Variants in MAST4 observed in about 807,000 individuals in gnomAD.
MAST4 encodes microtubule associated serine/threonine kinase family member 4, also known as microtubule-associated serine/threonine-protein kinase 4.
MAST4 carries 89 observed loss-of-function variants against 162.7 expected under a neutral mutation model. The observed-to-expected ratio is 0.55, with a 90% confidence interval of 0.46 to 0.65. The LOEUF is 0.65. Among genes scored for constraint, MAST4 ranks in the 30% least tolerant of loss-of-function variants. The pLI is 0.00. For missense variants in MAST4, 3,153 were observed against 3,374.0 expected, an observed-to-expected ratio of 0.93 and a Z score of 1.62; for synonymous variants, 1,479 against 1,361.1, an observed-to-expected ratio of 1.09 and a Z score of -1.91.
chr5:66,641,923 C>T (rs1244759313), intron 1 of MAST4, among the ~76,000 whole-genome samples: 1 of 152,108 alleles, frequency 6.6e-6, no homozygotes, highest in African/African-American at 2.4e-5. Flanking sequence ...CCTTTCCAGT[C>T]GGAATTGCAC....
At chr5:66,618,718 A>C (rs1441452220) in intron 1 of MAST4, among the ~76,000 whole-genome samples, 1 of 152,216 alleles carries the variant, frequency 6.6e-6, no homozygotes, top group Non-Finnish European at 1.5e-5. Flanking sequence ...GGCAGCTATT[A>C]AAAGTGTTAC....
intron 6 of MAST4, chr5:67,093,711 C>G: frequency 2.3e-6 from 1 of 434,810 alleles, no homozygotes; most frequent in South Asian, 1.6e-5. Context: ...AAAATATGTT[C>G]ATTGATAACT....
At chr5:67,066,561 G>T (rs529811076) in intron 5 of MAST4, among the ~76,000 whole-genome samples, 245 of 151,612 alleles carry the variant, frequency 1.6e-3, no homozygotes, top group African/African-American at 5.4e-3. Context: ...TCCCCTAATG[G>T]TTGGTTTCAA....
chr5:66,650,957 G>A (rs917649235), intron 1 of MAST4, among the ~76,000 whole-genome samples: 1 of 152,228 alleles, frequency 6.6e-6, no homozygotes, highest in Non-Finnish European at 1.5e-5. Flanking sequence ...GACTCTAGGA[G>A]GAGGAACTGC....
chr5:66,689,751 C>T (rs915812787), intron 1 of MAST4, among the ~76,000 whole-genome samples: 1 of 152,136 alleles, frequency 6.6e-6, no homozygotes, highest in African/African-American at 2.4e-5. Context: ...CTGATTAAAC[C>T]ATTTACTGTT....
chr5:66,820,476 A>G (rs550397974), intron 3 of MAST4, among the ~76,000 whole-genome samples: 2 of 152,214 alleles, frequency 1.3e-5, no homozygotes, highest in East Asian at 3.8e-4. Flanking sequence ...ACTTTGCTAA[A>G]TATTAGTTCA....
chr5:66,788,327 A>G (rs1438629546), intron 2 of MAST4, among the ~76,000 whole-genome samples: 1 of 152,166 alleles, frequency 6.6e-6, no homozygotes, highest in Non-Finnish European at 1.5e-5. Flanking sequence ...TTACAAATGC[A>G]CGCGCTTACT....
In MAST4 at chr5:67,148,893, A is replaced by G. The variant is rs534224639; in HGVS notation, c.3095-496A>G. On this transcript the variant is annotated intron_variant, in intron 23 of 28. Coordinates refer to ENST00000403625, the MANE Select transcript of MAST4 (RefSeq NM_001164664.2). ...ACAGCACAGACGTAAGTCTACAGGG[A>G]GTGATGAAAAAATGTCCACAGGTCA... Among the ~76,000 whole-genome samples, 10 of 152,290 alleles carry G rather than the reference A, an allele frequency of 6.6e-5. No individual in the cohort carries two copies. In the South Asian group the frequency reaches 2.1e-3, roughly 32 times the overall value.
chr5:66,905,988 T>C (rs1440262171), intron 4 of MAST4, among the ~76,000 whole-genome samples: 1 of 152,218 alleles, frequency 6.6e-6, no homozygotes, highest in Non-Finnish European at 1.5e-5. Context: ...AGGAAGAGAT[T>C]CTCTATAGAA....
chr5:66,817,511 A>C (rs1378010018), intron 3 of MAST4, among the ~76,000 whole-genome samples: 3 of 152,230 alleles, frequency 2.0e-5, no homozygotes, highest in African/African-American at 7.2e-5. Flanking sequence ...AAGTGAGAGT[A>C]AAGTGCTGTC....
intron 5 of MAST4, among the ~76,000 whole-genome samples, chr5:67,082,866 GCT>G (rs1762832457): frequency 6.6e-6 from 1 of 152,164 alleles, no homozygotes; most frequent in Non-Finnish European, 1.5e-5. Context: ...GAGAGCAGAA[GCT>G]CTCTGTACTA....
At chr5:66,632,702 G>C (rs1269939554) in intron 1 of MAST4, among the ~76,000 whole-genome samples, 1 of 151,944 alleles carries the variant, frequency 6.6e-6, no homozygotes, top group Non-Finnish European at 1.5e-5. Flanking sequence ...GTAGATACTT[G>C]GTAATACTCA....
intron 3 of MAST4, among the ~76,000 whole-genome samples, chr5:66,853,251 G>A (rs933985970): frequency 1.3e-5 from 2 of 152,204 alleles, no homozygotes; most frequent in East Asian, 1.9e-4. Flanking sequence ...CCCGGAGTAA[G>A]TGTAACTGGT....
intron 4 of MAST4, among the ~76,000 whole-genome samples, chr5:67,029,369 C>A (rs1755043990): frequency 6.6e-6 from 1 of 152,094 alleles, no homozygotes; most frequent in Non-Finnish European, 1.5e-5. Context: ...CATCCTTATA[C>A]TTATGTTTCC....
intron 4 of MAST4, among the ~76,000 whole-genome samples, chr5:66,938,678 A>G (rs550551462): frequency 2.0e-5 from 3 of 152,206 alleles, no homozygotes; most frequent in East Asian, 3.8e-4. Context: ...TCAATTCTCT[A>G]TCTGCCTATA....
intron 4 of MAST4, among the ~76,000 whole-genome samples, chr5:66,906,691 A>G (rs1308246717): frequency 3.3e-5 from 5 of 152,224 alleles, no homozygotes. Context: ...AAGACAATTC[A>G]TTAATGGGAT....
chr5:66,681,562 G>A (rs907472579), intron 1 of MAST4, among the ~76,000 whole-genome samples: 4 of 152,226 alleles, frequency 2.6e-5, no homozygotes, highest in Non-Finnish European at 5.9e-5. Context: ...TTTGAAAATT[G>A]TTGTCAGTAG....
At chr5:66,862,864 T>C (rs1427084346) in intron 3 of MAST4, among the ~76,000 whole-genome samples, 1 of 152,236 alleles carries the variant, frequency 6.6e-6, no homozygotes, top group Non-Finnish European at 1.5e-5. Context: ...GACCTGGCCC[T>C]GTATGTACCA....
rs144393028 is a variant in MAST4, at chr5:66,861,253, T to G, written c.643-38698T>G. Among the ~76,000 whole-genome samples the G allele has an allele frequency of 5.9e-3, 905 of 152,218 alleles. 10 individuals carry two copies. The highest frequency in any genetic ancestry group is 0.021 in the African/African-American group (860 of 41,554). On this transcript the variant is annotated intron_variant, in intron 3 of 28. Transcript: ENST00000403625. Reference sequence around the variant, plus strand: ...ATGTAAAAAATGCTTAAAATCCCTGTGAAATCAATTATGAGGAGTTTGTAA... The same window carrying G: ...ATGTAAAAAATGCTTAAAATCCCTGGGAAATCAATTATGAGGAGTTTGTAA...
Sources: allele counts gnomAD v4.1 joint callset (sites outside exome capture counted in the v4.1 genomes callset), GRCh38; gene constraint gnomAD v4.1.1; transcripts MANE v1.5; gene names NCBI Gene and HGNC (gene_info 2026-07-23, HGNC 2026-07-21).